The following PPEF1 variants were observed in gnomAD, a reference collection of about 807,000 sequenced individuals.
The protein encoded by PPEF1 is protein phosphatase with EF-hand domain 1, also known as serine/threonine-protein phosphatase with EF-hands 1.
Under a neutral mutation model 53.3 loss-of-function variants are expected in PPEF1, and 12 were observed. That is an observed-to-expected ratio of 0.23 (90% CI 0.14 to 0.36). The LOEUF (loss-of-function observed/expected upper bound fraction) is 0.36, where lower values mean the gene tolerates loss of function less well. Among genes scored for constraint, PPEF1 ranks in the 10% least tolerant of loss-of-function variants. The pLI, the probability that PPEF1 is intolerant of heterozygous loss-of-function variation, is 1.00. For missense variants in PPEF1, 334 were observed against 490.4 expected, an observed-to-expected ratio of 0.68 and a Z score of 3.01; for synonymous variants, 165 against 176.7, an observed-to-expected ratio of 0.93 and a Z score of 0.52.
intron 4 of PPEF1, among the ~76,000 whole-genome samples, chrX:18,693,740 G>T (rs1427506950): frequency 9.0e-6 from 1 of 111,386 alleles, no homozygotes; most frequent in Non-Finnish European, 1.9e-5. Context: ...CTAATTTTTT[G>T]TGTTTTTAGT....
chrX:18,779,261 G>A, intron 7 of PPEF1, 85 bp downstream of exon 7: 2 of 914,839 alleles, frequency 2.2e-6, no homozygotes, highest in South Asian at 2.9e-5. Context: ...AGAGATAGAA[G>A]TGAGTGTATT....
chrX:18,750,114 A>G (rs2045413840), intron 4 of PPEF1, among the ~76,000 whole-genome samples, 162 bp downstream of exon 4: 1 of 112,000 alleles, frequency 8.9e-6, no homozygotes, highest in African/African-American at 3.2e-5. Context: ...AAGTCTCCTC[A>G]GGTGCACAGC....
At chrX:18,696,155 AT>A (rs1294692731) in intron 4 of PPEF1, among the ~76,000 whole-genome samples, 6 of 106,555 alleles carry the variant, frequency 5.6e-5, no homozygotes, top group South Asian at 4.0e-4. Flanking sequence ...GAGTCCTTCG[AT>A]TTTTTTTTTC....
chrX:18,702,395 C>G (rs1930189801), intron 6 of PPEF1, among the ~76,000 whole-genome samples: 1 of 107,563 alleles, frequency 9.3e-6, no homozygotes, highest in African/African-American at 3.4e-5. Context: ...CTTGCTAAAG[C>G]CAACATCTCT....
chrX:18,708,262 T>G (rs1479031820), intron 1 of PPEF1, among the ~76,000 whole-genome samples: 1 of 112,219 alleles, frequency 8.9e-6, no homozygotes, highest in Non-Finnish European at 1.9e-5. Flanking sequence ...CAGAACTTCA[T>G]GAGATTTGCA....
chrX:18,812,755 G>A (rs1239978350), intron 12 of PPEF1, among the ~76,000 whole-genome samples: 1 of 111,613 alleles, frequency 9.0e-6, no homozygotes, highest in African/African-American at 3.3e-5. Flanking sequence ...AAATGGAATT[G>A]TTTTTCTTTT....
At chrX:18,739,731 A>C (rs778248332) in intron 3 of PPEF1, among the ~76,000 whole-genome samples, 1 of 112,282 alleles carries the variant, frequency 8.9e-6, no homozygotes, top group South Asian at 3.7e-4. Flanking sequence ...CTGCCCCCAG[A>C]GGTGGCGTCT....
intron 6 of PPEF1, among the ~76,000 whole-genome samples, chrX:18,764,411 C>T (rs762204554): frequency 2.7e-5 from 3 of 111,140 alleles, no homozygotes; most frequent in African/African-American, 9.8e-5. Flanking sequence ...GGTGGGTGTC[C>T]TGGGGATGGG....
chrX:18,763,441 C>T (rs978657680), intron 6 of PPEF1, among the ~76,000 whole-genome samples: 3 of 111,660 alleles, frequency 2.7e-5, no homozygotes, highest in Non-Finnish European at 1.9e-5. Flanking sequence ...TTGTATAGGG[C>T]ACTGGCTCTT....
chrX:18,766,178 T>C (rs762335283), intron 6 of PPEF1, among the ~76,000 whole-genome samples: 37 of 110,531 alleles, frequency 3.3e-4, no homozygotes, highest in Non-Finnish European at 6.4e-4. Context: ...GGGGTGATGG[T>C]GCTTGGTCGC....
chrX:18,789,782 T>C, intron 10 of PPEF1, among the ~76,000 whole-genome samples: 1 of 112,449 alleles, frequency 8.9e-6, no homozygotes, highest in Non-Finnish European at 1.9e-5. Flanking sequence ...GAACATCTAT[T>C]TGTTGCTGAA....
intron 12 of PPEF1, among the ~76,000 whole-genome samples, chrX:18,806,937 T>C (rs747243414): frequency 8.9e-6 from 1 of 112,296 alleles, no homozygotes; most frequent in South Asian, 3.7e-4. Context: ...TCTCTCTCCA[T>C]GTGATGGCAT....
intron 1 of PPEF1, among the ~76,000 whole-genome samples, chrX:18,709,584 G>A (rs1177472023): frequency 1.9e-5 from 2 of 104,013 alleles, no homozygotes; most frequent in Non-Finnish European, 3.9e-5. Flanking sequence ...TGCAACCTCC[G>A]CCTCCCAGGT....
chrX:18,733,297 TG>T (rs2044882484), intron 2 of PPEF1, among the ~76,000 whole-genome samples: 1 of 112,031 alleles, frequency 8.9e-6, no homozygotes, highest in South Asian at 3.7e-4. Flanking sequence ...ACAGGGATTC[TG>T]GTACAAGTGA....
At chrX:18,755,566 C>G (rs1425701843) in intron 4 of PPEF1, among the ~76,000 whole-genome samples, 2 of 110,831 alleles carry the variant, frequency 1.8e-5, no homozygotes, top group Non-Finnish European at 3.8e-5. Flanking sequence ...GACTCCATCC[C>G]CCCCAGCCCC....
At chrX:18,788,653 T>G (rs2046267887) in intron 9 of PPEF1, among the ~76,000 whole-genome samples, 1 of 111,736 alleles carries the variant, frequency 8.9e-6, no homozygotes, top group African/African-American at 3.3e-5. Flanking sequence ...ATGTCCCCTT[T>G]AAGAACTTTC....
intron 14 of PPEF1, among the ~76,000 whole-genome samples, chrX:18,825,262 G>A (rs1218804763): frequency 9.0e-6 from 1 of 111,087 alleles, no homozygotes; most frequent in Non-Finnish European, 1.9e-5. Context: ...GGGAAGTAAA[G>A]GTAGGTTAGA....
At chrX:18,730,117 T>A (rs1405330478) in intron 1 of PPEF1, 64 bp from the exon 2 acceptor site, 13 of 1,109,942 alleles carry the variant, frequency 1.2e-5, no homozygotes, top group African/African-American at 1.9e-5. Flanking sequence ...CTGAAGCACC[T>A]ACTTCTCCTA....
At chrX:18,740,822 C>T (rs1459088799) in intron 3 of PPEF1, among the ~76,000 whole-genome samples, 5 of 110,736 alleles carry the variant, frequency 4.5e-5, no homozygotes, top group Non-Finnish European at 7.6e-5. Flanking sequence ...TTTTTACAAC[C>T]ATGTATTTCT....
Sources: allele counts gnomAD v4.1 joint callset (sites outside exome capture counted in the v4.1 genomes callset), GRCh38; gene constraint gnomAD v4.1.1; transcripts MANE v1.5; gene names NCBI Gene and HGNC (gene_info 2026-07-23, HGNC 2026-07-21).